The following PDE1A variants were observed in gnomAD, a reference collection of about 807,000 sequenced individuals.
PDE1A encodes phosphodiesterase 1A, also known as dual specificity calcium/calmodulin-dependent 3',5'-cyclic nucleotide phosphodiesterase 1A.
Under a neutral mutation model 61.7 loss-of-function variants are expected in PDE1A, and 35 were observed. The observed-to-expected ratio is 0.57, with a 90% CI of 0.43 to 0.75. The LOEUF is 0.75. Ranked by LOEUF, PDE1A falls within the 30% of genes least tolerant of loss-of-function variation. The pLI is 0.00. For missense variants in PDE1A, 597 were observed against 630.6 expected (o/e 0.95, Z 0.57); for synonymous variants, 232 against 213.2 (o/e 1.09, Z -0.77).
At chr2:182,464,638 T>C (rs529537733) in intron 2 of PDE1A, among the ~76,000 whole-genome samples, 1 of 152,082 alleles carries the variant, frequency 6.6e-6, no homozygotes, top group East Asian at 1.9e-4. Context: ...ACAATTGCAG[T>C]AGAGAGAAAA....
intron 13 of PDE1A, among the ~76,000 whole-genome samples, chr2:182,178,676 G>A (rs762873304): frequency 2.0e-5 from 3 of 152,082 alleles, no homozygotes; most frequent in Non-Finnish European, 4.4e-5. Context: ...AGGAGGGGTG[G>A]CTGTGTAGAA....
chr2:182,534,438 C>A, the PDE1A span, among the ~76,000 whole-genome samples: 2 of 152,024 alleles, frequency 1.3e-5, no homozygotes, highest in South Asian at 4.1e-4. Flanking sequence ...TCCTAATCTG[C>A]AATGTCTGAA....
intron 2 of PDE1A, among the ~76,000 whole-genome samples, chr2:182,243,639 T>C (rs1290533914): frequency 6.6e-6 from 1 of 152,198 alleles, no homozygotes; most frequent in Non-Finnish European, 1.5e-5. Flanking sequence ...GGATGTGATA[T>C]GATTTATGTA....
the PDE1A span, among the ~76,000 whole-genome samples, chr2:182,643,044 C>CTCTTTAAT: frequency 6.6e-6 from 1 of 152,208 alleles, no homozygotes; most frequent in East Asian, 1.9e-4. Context: ...CCACATCCTC[C>CTCTTTAAT]TCTTAAAGAA....
rs372713202 is a variant in PDE1A, at chr2:182,386,607, A to G, written c.53+39971T>C. On this transcript the variant is annotated intron_variant, in intron 1 of 13. Coordinates refer to ENST00000351439, the Ensembl canonical transcript of PDE1A. ...TGAGAAGTGAGGAGCCCCTCCGCCC[A>G]GCAGCCGCCCCATCTGAGAAGCGAG... Among the ~76,000 whole-genome samples the G allele has an allele frequency of 2.3e-3, 323 of 138,408 alleles. 2 individuals carry two copies. Among genetic ancestry groups the G allele is most frequent in the East Asian group, 0.02 (93 of 4,580 alleles). The allele number at this position is 138,408 out of a possible 152,430, so 90.8% of individuals were successfully genotyped here.
chr2:182,311,907 C>G (rs1434314326), intron 1 of PDE1A, among the ~76,000 whole-genome samples: 1 of 152,078 alleles, frequency 6.6e-6, no homozygotes, highest in Non-Finnish European at 1.5e-5. Flanking sequence ...TATATAAGTT[C>G]TAGTACCTCC....
intron 1 of PDE1A, among the ~76,000 whole-genome samples, chr2:182,377,085 G>A (rs1700453781): frequency 6.6e-6 from 1 of 152,102 alleles, no homozygotes; most frequent in Non-Finnish European, 1.5e-5. Context: ...TTTAACCCAC[G>A]TGATTGGGTA....
chr2:182,700,163 TA>T, the PDE1A span, among the ~76,000 whole-genome samples: 1 of 152,224 alleles, frequency 6.6e-6, no homozygotes, highest in Non-Finnish European at 1.5e-5. Context: ...TTCCCAAGAA[TA>T]AAAACCAGTG....
intron 2 of PDE1A, among the ~76,000 whole-genome samples, chr2:182,498,974 A>G (rs1480841499): frequency 6.6e-6 from 1 of 150,856 alleles, no homozygotes; most frequent in African/African-American, 2.4e-5. Flanking sequence ...GACCCTACTA[A>G]GGTTTTTTTG....
At chr2:182,220,252 A>C (rs1482184305) in intron 7 of PDE1A, among the ~76,000 whole-genome samples, 1 of 152,032 alleles carries the variant, frequency 6.6e-6, no homozygotes, top group Admixed American at 6.6e-5. Flanking sequence ...CATTGAAGAG[A>C]TAATTGAAGA....
chr2:182,198,814 C>T (rs80008528), intron 10 of PDE1A, among the ~76,000 whole-genome samples: 4,770 of 151,748 alleles, frequency 0.031, 246 homozygotes, highest in African/African-American at 0.11. Context: ...CAGGTAATGT[C>T]GAGAATTATG....
the PDE1A span, among the ~76,000 whole-genome samples, chr2:182,550,329 C>T: frequency 6.6e-6 from 1 of 152,144 alleles, no homozygotes. Context: ...TCACAGGGCA[C>T]TTCGCTAGCC....
chr2:182,597,439 G>A, the PDE1A span, among the ~76,000 whole-genome samples: 5 of 152,158 alleles, frequency 3.3e-5, no homozygotes, highest in Non-Finnish European at 5.9e-5. Context: ...GGAGGAAACA[G>A]AGAAGCCAGC....
intron 1 of PDE1A, among the ~76,000 whole-genome samples, chr2:182,290,207 A>G (rs182269921): frequency 1.6e-4 from 24 of 152,254 alleles, no homozygotes; most frequent in Admixed American, 7.2e-4. Flanking sequence ...TTGTCCATTA[A>G]GCTCAGGAAT....
At position 182,515,232 on chromosome 2, in the gene PDE1A, C is replaced by G. The variant is rs114349952; in HGVS notation, c.101+7044G>C. ...ATTTTATTCTGGTCACTTCTTACTG[C>G]ATATTAACTTGCTTTTTATAATTTA... On this transcript the variant is annotated intron_variant, in intron 2 of 14. Transcript: ENST00000410103. 6.8e-3 allele frequency among the ~76,000 whole-genome samples: 1,038 copies of G among 152,316 alleles called. 8 individuals carry two copies. Among genetic ancestry groups the G allele is most frequent in the Non-Finnish European group, 0.012 (819 of 68,020 alleles).
At chr2:182,557,087 G>C in the PDE1A span, among the ~76,000 whole-genome samples, 48 of 152,046 alleles carry the variant, frequency 3.2e-4, no homozygotes, top group Non-Finnish European at 6.0e-4. Context: ...CTGAGGTCAG[G>C]AGTTCAAGAC....
At chr2:182,441,306 T>A (rs1684778202) in intron 2 of PDE1A, among the ~76,000 whole-genome samples, 1 of 152,072 alleles carries the variant, frequency 6.6e-6, no homozygotes, top group Non-Finnish European at 1.5e-5. Context: ...CCAAACCATA[T>A]CAGTATGTTT....
At chr2:182,440,586 A>G (rs1684724396) in intron 2 of PDE1A, among the ~76,000 whole-genome samples, 1 of 148,022 alleles carries the variant, frequency 6.8e-6, no homozygotes, top group Non-Finnish European at 1.5e-5. Flanking sequence ...CATTATTAAA[A>G]CAAGATATAT....
At chr2:182,505,857 C>A (rs1399816180) in intron 2 of PDE1A, among the ~76,000 whole-genome samples, 1 of 152,104 alleles carries the variant, frequency 6.6e-6, no homozygotes, top group Non-Finnish European at 1.5e-5. Flanking sequence ...CAACAGTAAA[C>A]AACAACATGA....
Sources: allele counts gnomAD v4.1 joint callset (sites outside exome capture counted in the v4.1 genomes callset), GRCh38; gene constraint gnomAD v4.1.1; transcripts MANE v1.5; gene names NCBI Gene and HGNC (gene_info 2026-07-23, HGNC 2026-07-21).